The following PCDH15 variants were observed in gnomAD, a reference collection of about 807,000 sequenced individuals.
PCDH15 encodes the protein protocadherin-15.
In PCDH15, 129 loss-of-function variants were observed where a neutral mutation model predicts 178.5. That is an observed-to-expected ratio of 0.72 (90% confidence interval 0.63 to 0.84). The LOEUF (loss-of-function observed/expected upper bound fraction) is 0.84. Ranked by LOEUF, PCDH15 falls within the 40% of genes least tolerant of loss-of-function variation. The pLI, the probability that PCDH15 is intolerant of heterozygous loss-of-function variation, is 0.00. For synonymous variants in PCDH15, 800 were observed against 732.0 expected (o/e 1.09, Z -1.50); for missense variants, 2,230 against 2,099.9 (o/e 1.06, Z -1.21).
chr10:54,574,286 C>G (rs1335141522), intron 2 of PCDH15, among the ~76,000 whole-genome samples: 1 of 150,776 alleles, frequency 6.6e-6, no homozygotes, highest in Admixed American at 6.6e-5. Flanking sequence ...ATAGGGAATC[C>G]CTTCCCCATT....
At chr10:54,218,673 C>T (rs973696951) in intron 9 of PCDH15, among the ~76,000 whole-genome samples, 13 of 152,188 alleles carry the variant, frequency 8.5e-5, no homozygotes, top group African/African-American at 3.1e-4. Context: ...CTTTCTGTTG[C>T]TTAAGCTACT....
chr10:54,576,885 G>A (rs2090526105), intron 2 of PCDH15, among the ~76,000 whole-genome samples: 2 of 152,016 alleles, frequency 1.3e-5, no homozygotes, highest in Non-Finnish European at 2.9e-5. Context: ...AGACATTTGT[G>A]AAAAAAATAC....
chr10:54,649,991 C>T (rs1283045235), intron 2 of PCDH15, among the ~76,000 whole-genome samples: 1 of 152,092 alleles, frequency 6.6e-6, no homozygotes, highest in African/African-American at 2.4e-5. Context: ...TTGGGTCATT[C>T]TGCCAAGTCC....
intron 2 of PCDH15, among the ~76,000 whole-genome samples, chr10:54,552,743 G>T (rs991967460): frequency 6.6e-6 from 1 of 152,080 alleles, no homozygotes; most frequent in Non-Finnish European, 1.5e-5. Flanking sequence ...CTACTATATG[G>T]GGTTGTGGGT....
intron 2 of PCDH15, among the ~76,000 whole-genome samples, chr10:55,083,665 C>T (rs1325224133): frequency 6.6e-5 from 10 of 151,844 alleles, no homozygotes; most frequent in African/African-American, 2.4e-4. Flanking sequence ...GTGGGAAAAA[C>T]CTAAAGACTT....
chr10:54,635,316 A>G (rs1048507388), intron 2 of PCDH15, among the ~76,000 whole-genome samples: 3 of 151,698 alleles, frequency 2.0e-5, no homozygotes, highest in Non-Finnish European at 4.4e-5. Flanking sequence ...CAAAAACTCG[A>G]GTAAAACAAA....
intron 2 of PCDH15, among the ~76,000 whole-genome samples, chr10:55,006,450 T>G (rs1839929835): frequency 6.6e-6 from 1 of 152,212 alleles, no homozygotes; most frequent in African/African-American, 2.4e-5. Context: ...TGTTTTAACT[T>G]GGACATATTT....
chr10:54,674,107 G>A (rs1326634471), intron 1 of PCDH15, among the ~76,000 whole-genome samples: 1 of 152,110 alleles, frequency 6.6e-6, no homozygotes. Context: ...CAATGCAGAG[G>A]CAGAATCAAC....
intron 3 of PCDH15, among the ~76,000 whole-genome samples, chr10:54,404,596 A>G (rs1279198864): frequency 6.9e-6 from 1 of 144,378 alleles, no homozygotes; most frequent in Admixed American, 6.7e-5. Flanking sequence ...ACAGGCAAAG[A>G]TGGCATGACC....
intron 9 of PCDH15, among the ~76,000 whole-genome samples, chr10:54,222,097 T>A (rs992278502): frequency 8.5e-5 from 13 of 152,240 alleles, no homozygotes; most frequent in African/African-American, 2.7e-4. Flanking sequence ...CAGCCACAAA[T>A]AAAGATGCTA....
chr10:54,936,966 T>C (rs1238777761), intron 2 of PCDH15, among the ~76,000 whole-genome samples: 1 of 152,016 alleles, frequency 6.6e-6, no homozygotes, highest in Non-Finnish European at 1.5e-5. Flanking sequence ...CTAAGAGTTC[T>C]ATGGTTTTAT....
chr10:55,530,501 T>C (rs1841425960), intron 2 of PCDH15, among the ~76,000 whole-genome samples: 1 of 152,044 alleles, frequency 6.6e-6, no homozygotes, highest in African/African-American at 2.4e-5. Flanking sequence ...AGGATGACTA[T>C]GATTTTGCTT....
chr10:54,889,968 C>T (rs895680079), intron 3 of PCDH15, among the ~76,000 whole-genome samples: 3 of 151,786 alleles, frequency 2.0e-5, no homozygotes, highest in African/African-American at 7.3e-5. Flanking sequence ...CATAATTGTA[C>T]CTTTTTATTT....
chr10:54,470,048 G>T (rs2077792185), intron 3 of PCDH15, among the ~76,000 whole-genome samples: 1 of 152,120 alleles, frequency 6.6e-6, no homozygotes. Context: ...TACATCACAT[G>T]GGCCTTCCCT....
In PCDH15 at chr10:55,006,087, T is replaced by A. The variant is rs1186241041; in HGVS notation, c.-79-108587A>T. On this transcript the variant is annotated intron_variant, in intron 2 of 5. Coordinates refer to the PCDH15 transcript ENST00000458638. ...TATCCATCACCACACAAATTTATCATTTTTTGGAGTAAAGAGAATGTTAAA... is the reference window on the plus strand; with the variant it reads ...TATCCATCACCACACAAATTTATCAATTTTTGGAGTAAAGAGAATGTTAAA... Among the ~76,000 whole-genome samples, 6 of 152,070 alleles carry A rather than the reference T, an allele frequency of 3.9e-5. No homozygotes were observed. In the East Asian group the frequency reaches 9.6e-4, roughly 24 times the overall value.
At chr10:53,988,579 T>A (rs2610887) in intron 21 of PCDH15, among the ~76,000 whole-genome samples, 3,317 of 152,216 alleles carry the variant, frequency 0.022, 108 homozygotes, top group African/African-American at 0.075. Flanking sequence ...CCAGGAATTA[T>A]GAGTGGCTTA....
chr10:55,383,954 T>C (rs898331675), intron 2 of PCDH15, among the ~76,000 whole-genome samples: 1 of 152,136 alleles, frequency 6.6e-6, no homozygotes, highest in Non-Finnish European at 1.5e-5. Flanking sequence ...ACATATAAAA[T>C]AATAGCAAGA....
chr10:54,445,259 C>T (rs1294890443), intron 3 of PCDH15, among the ~76,000 whole-genome samples: 1 of 151,116 alleles, frequency 6.6e-6, no homozygotes, highest in East Asian at 1.9e-4. Flanking sequence ...TATTTGTTAT[C>T]ACATTTTATT....
chr10:55,483,926 G>A (rs1840240779), intron 2 of PCDH15, among the ~76,000 whole-genome samples: 1 of 151,762 alleles, frequency 6.6e-6, no homozygotes, highest in African/African-American at 2.4e-5. Flanking sequence ...ATGATTGACT[G>A]GATAAAGATG....
Sources: allele counts gnomAD v4.1 joint callset (sites outside exome capture counted in the v4.1 genomes callset), GRCh38; gene constraint gnomAD v4.1.1; transcripts MANE v1.5; gene names NCBI Gene and HGNC (gene_info 2026-07-23, HGNC 2026-07-21).